The following SEMA5A variants were observed in gnomAD, a reference collection of about 807,000 sequenced individuals.
The protein encoded by SEMA5A is semaphorin-5A.
A neutral mutation model predicts 135.5 loss-of-function variants in SEMA5A; 55 were observed. The observed-to-expected ratio is 0.41, with a 90% CI of 0.33 to 0.51. The LOEUF (loss-of-function observed/expected upper bound fraction) is 0.51, where lower values mean the gene tolerates loss of function less well. SEMA5A is among the 20% of genes least tolerant of loss of function. The pLI is 0.37. For missense variants in SEMA5A, 1,290 were observed against 1,419.9 expected, an observed-to-expected ratio of 0.91 and a Z score of 1.47; for synonymous variants, 580 against 546.5, an observed-to-expected ratio of 1.06 and a Z score of -0.85.
intron 11 of SEMA5A, among the ~76,000 whole-genome samples, chr5:9,160,043 G>A (rs2619916): frequency 0.52 from 78,921 of 151,694 alleles, 23,885 homozygotes; most frequent in Middle Eastern, 0.72. Flanking sequence ...CACACACCAG[G>A]GCCTGTTGGG....
At chr5:9,203,538 G>A (rs1745838620) in intron 8 of SEMA5A, among the ~76,000 whole-genome samples, 1 of 152,146 alleles carries the variant, frequency 6.6e-6, no homozygotes, top group Admixed American at 6.5e-5. Context: ...CATTGACAAA[G>A]GGTTGGGATT....
intron 2 of SEMA5A, among the ~76,000 whole-genome samples, chr5:9,387,748 G>T (rs1284980142): frequency 2.0e-5 from 3 of 152,208 alleles, no homozygotes; most frequent in Non-Finnish European, 4.4e-5. Context: ...CAATGTTCAA[G>T]TAAACAGATT....
chr5:9,225,324 C>T (rs975367715), intron 7 of SEMA5A, among the ~76,000 whole-genome samples: 19 of 137,660 alleles, frequency 1.4e-4, no homozygotes, highest in South Asian at 2.4e-4. Context: ...GAGGCTGAAG[C>T]GGGCAGATCA....
At position 9,389,935 on chromosome 5, in the gene SEMA5A, G is replaced by C. The variant is rs147769893; in HGVS notation, c.-77-9912C>G. Among the ~76,000 whole-genome samples the C allele has an allele frequency of 5.3e-4, 80 of 152,286 alleles. 1 individual carries two copies. In the East Asian group the frequency reaches 0.014, roughly 28 times the overall value. On this transcript the variant is annotated intron_variant, in intron 2 of 22. Transcript: ENST00000382496. ...CTGTTAAAAACTCAGTCTCCAGATA[G>C]TACTGGACATAGTGCAGAAAAACAA...
At chr5:9,322,973 T>C (rs535446022) in intron 4 of SEMA5A, among the ~76,000 whole-genome samples, 2 of 152,346 alleles carry the variant, frequency 1.3e-5, no homozygotes, top group South Asian at 2.1e-4. Flanking sequence ...CTTTTGATCC[T>C]AGGCCATCAA....
chr5:9,051,191 T>C (rs2150042301), intron 20 of SEMA5A, among the ~76,000 whole-genome samples: 1 of 152,372 alleles, frequency 6.6e-6, no homozygotes, highest in East Asian at 1.9e-4. Context: ...ATAGTATCTT[T>C]TGCACAGACG....
intron 5 of SEMA5A, among the ~76,000 whole-genome samples, chr5:9,302,021 G>A (rs1751634182): frequency 6.6e-6 from 1 of 151,970 alleles, no homozygotes; most frequent in South Asian, 2.1e-4. Flanking sequence ...AGCTGTAGTT[G>A]CATCACTCTA....
At chr5:9,050,096 A>G in intron 21 of SEMA5A, among the ~76,000 whole-genome samples, 1 of 152,198 alleles carries the variant, frequency 6.6e-6, no homozygotes, top group East Asian at 1.9e-4. Flanking sequence ...TAATTGAACC[A>G]CCAACTGCTG....
At chr5:9,053,993 T>TA in intron 19 of SEMA5A, 94 bp downstream of exon 19, 11 of 1,416,366 alleles carry the variant, frequency 7.8e-6, no homozygotes, top group Non-Finnish European at 1.0e-5. Flanking sequence ...TTTCAGTACT[T>TA]ACCATGATGC....
chr5:9,536,609 T>C (rs1370058247), intron 1 of SEMA5A, among the ~76,000 whole-genome samples: 1 of 132,512 alleles, frequency 7.5e-6, no homozygotes, highest in Non-Finnish European at 1.7e-5. Flanking sequence ...CAAGACTCCG[T>C]CTCAAAAAAG....
intron 15 of SEMA5A, among the ~76,000 whole-genome samples, chr5:9,112,491 T>A (rs1410117206): frequency 6.6e-6 from 1 of 152,218 alleles, no homozygotes; most frequent in African/African-American, 2.4e-5. Context: ...TGGGCCATAC[T>A]GCTATAAATT....
intron 4 of SEMA5A, among the ~76,000 whole-genome samples, chr5:9,330,836 A>T (rs1561154513): frequency 6.6e-6 from 1 of 152,210 alleles, no homozygotes; most frequent in African/African-American, 2.4e-5. Context: ...AAACCTTTAA[A>T]CCCTAAAGTG....
At chr5:9,068,043 A>C (rs540481196) in intron 16 of SEMA5A, among the ~76,000 whole-genome samples, 1 of 152,218 alleles carries the variant, frequency 6.6e-6, no homozygotes, top group South Asian at 2.1e-4. Flanking sequence ...CTCCAATTTG[A>C]GCACATTGAT....
intron 16 of SEMA5A, among the ~76,000 whole-genome samples, chr5:9,093,603 A>T (rs1046209007): frequency 2.6e-5 from 4 of 151,914 alleles, no homozygotes; most frequent in African/African-American, 9.7e-5. Context: ...TCTACTCGGG[A>T]GGCTGAGGCA....
At chr5:9,049,801 C>G (rs1287835800) in intron 21 of SEMA5A, among the ~76,000 whole-genome samples, 1 of 152,178 alleles carries the variant, frequency 6.6e-6, no homozygotes, top group East Asian at 1.9e-4. Context: ...AAGGCACAGA[C>G]TGTAAAGTCC....
intron 16 of SEMA5A, among the ~76,000 whole-genome samples, chr5:9,071,233 T>A (rs1579338552): frequency 1.3e-5 from 2 of 152,166 alleles, no homozygotes; most frequent in East Asian, 3.9e-4. Context: ...CGGGAGACAC[T>A]CTGCCAGTTC....
chr5:9,402,488 A>T (rs1756700276), intron 2 of SEMA5A, among the ~76,000 whole-genome samples: 1 of 152,104 alleles, frequency 6.6e-6, no homozygotes, highest in Non-Finnish European at 1.5e-5. Context: ...TCTTCTTCTA[A>T]GAAGTACCAT....
chr5:9,433,142 G>A (rs1007537025), intron 2 of SEMA5A, among the ~76,000 whole-genome samples: 43 of 152,204 alleles, frequency 2.8e-4, no homozygotes, highest in African/African-American at 9.6e-4. Context: ...ATTGGGGATT[G>A]ATTTTTTTCA....
intron 1 of SEMA5A, among the ~76,000 whole-genome samples, chr5:9,449,698 C>T (rs1758564357): frequency 1.3e-5 from 2 of 152,068 alleles, no homozygotes; most frequent in Non-Finnish European, 2.9e-5. Flanking sequence ...TCAAAATCAC[C>T]CAAAAATGCA....
Sources: gnomAD v4.1 joint callset for allele counts (sites outside exome capture counted in the v4.1 genomes callset) on GRCh38, gnomAD v4.1.1 for gene constraint, MANE v1.5 for transcripts, NCBI Gene and HGNC (gene_info 2026-07-23, HGNC 2026-07-21) for gene names.